URGCP: variants seen among roughly 807,000 people sequenced by gnomAD.
URGCP encodes the protein upregulator of cell proliferation, also known as up-regulator of cell proliferation.
In URGCP, 13 loss-of-function variants were observed where a neutral mutation model predicts 24.6. The ratio of observed to expected loss-of-function variants is 0.53; its 90% CI spans 0.34 to 0.84. URGCP has a LOEUF of 0.84. Ranked by LOEUF, URGCP falls within the 40% of genes least tolerant of loss-of-function variation. The pLI, the probability that URGCP is intolerant of heterozygous loss-of-function variation, is 0.01. For synonymous variants in URGCP, 444 were observed against 487.2 expected (o/e 0.91, Z 1.17); for missense variants, 899 against 1,194.3 (o/e 0.75, Z 3.64).
rs894259037 is a variant in URGCP at position 43,877,805 on chromosome 7, G to A, written c.1658C>T (p.Ser553Leu). ...ACTCAAGGAGGGGCTGCTGATCCCC[G>A]AGATGAACTCCTGCACCCCCGAGGA... ...DPSSGVQEFI[S>L]GISSPSLSEK... Residue 553 changes from serine (S) to leucine (L), a missense_variant, in exon 6 of 6, where the codon TCG becomes TTG. By Grantham distance (145) the Ser-to-Leu change is moderately radical. Coordinates refer to ENST00000453200, the MANE Select transcript of URGCP (RefSeq NM_001077663.3). 13 of 1,604,514 alleles carry A rather than the reference G, an allele frequency of 8.1e-6. No homozygotes were observed. The highest frequency in any genetic ancestry group is 1.3e-5 in the African/African-American group (1 of 74,686).
At chr7:43,899,799 T>C (rs1257473894) in intron 1 of URGCP, among the ~76,000 whole-genome samples, 1 of 152,100 alleles carries the variant, frequency 6.6e-6, no homozygotes, top group East Asian at 1.9e-4. Flanking sequence ...GGATCTAAGA[T>C]TAAGTTTTTA....
upstream of URGCP, chr7:43,926,647 G>A: frequency 7.3e-7 from 1 of 1,372,968 alleles, no homozygotes. Flanking sequence ...AGGTGACGGA[G>A]GCTCCGCGAG....
intron 1 of URGCP, among the ~76,000 whole-genome samples, chr7:43,922,952 TTCTC>T (rs955767377): frequency 4.6e-5 from 7 of 151,568 alleles, no homozygotes; most frequent in Admixed American, 2.6e-4. Context: ...CCTTCTCTCT[TTCTC>T]TCTCTTTCTC....
At chr7:43,919,916 G>A (rs754321121) in intron 1 of URGCP, 102 of 1,317,032 alleles carry the variant, frequency 7.7e-5, no homozygotes, top group South Asian at 2.4e-4. Context: ...CCTTCCTGGA[G>A]CCGTTCCGCA....
intron 1 of URGCP, among the ~76,000 whole-genome samples, chr7:43,897,793 G>C (rs1218903564): frequency 6.6e-6 from 1 of 152,040 alleles, no homozygotes; most frequent in Non-Finnish European, 1.5e-5. Flanking sequence ...TCAGACCTGG[G>C]CAATAGTACC....
intron 1 of URGCP, among the ~76,000 whole-genome samples, chr7:43,902,083 G>A (rs2095891822): frequency 6.6e-6 from 1 of 151,490 alleles, no homozygotes; most frequent in African/African-American, 2.4e-5. Context: ...GAAAAGGAGT[G>A]GAGGGGAGGA....
At chr7:43,894,045 G>T (rs1032578976) in intron 1 of URGCP, among the ~76,000 whole-genome samples, 1 of 152,090 alleles carries the variant, frequency 6.6e-6, no homozygotes, top group Non-Finnish European at 1.5e-5. Flanking sequence ...TATAACAATT[G>T]TAAATATATA....
rs2095903558 is a variant in URGCP at position 43,906,591 on chromosome 7, T to G, written c.-16A>C. ...GCGACGCCATGAGCGCAGCGAGGTC[T>G]CCGCTCCCGCCTCCTTCGCTTCCTC... On this transcript the variant is annotated 5_prime_UTR_variant, in exon 1 of 6. Transcript: ENST00000453200. 1 of 1,229,542 alleles carries G rather than the reference T, an allele frequency of 8.1e-7. No individual in the cohort carries two copies. Among genetic ancestry groups the G allele is most frequent in the East Asian group, 3.7e-5 (1 of 26,676 alleles). The allele number at this position is 1,229,542 out of a possible 1,614,324, so 76.2% of individuals were successfully genotyped here. A position where few individuals can be genotyped will look rare whatever the true frequency, so the allele number is the denominator to read the frequency against.
intron 1 of URGCP, among the ~76,000 whole-genome samples, chr7:43,889,951 T>C (rs1266026107): frequency 2.0e-5 from 3 of 151,816 alleles, no homozygotes; most frequent in Non-Finnish European, 2.9e-5. Context: ...GTCACCCAGG[T>C]TGGAGTGCAG....
Position 43,877,670 on chromosome 7 carries a change from C to A in URGCP, c.1793G>T (p.Gly598Val), listed in dbSNP as rs1313402829. 8 of 1,613,938 alleles carry A rather than the reference C, an allele frequency of 5.0e-6. No homozygotes were observed. Among genetic ancestry groups the A allele is most frequent in the Non-Finnish European group, 6.8e-6 (8 of 1,180,024 alleles). The change falls in exon 6 of 6, where the codon GGC (glycine) becomes GTC (valine). Residue 598 changes from glycine to valine, a missense_variant. By Grantham distance (109) the Gly-to-Val change is moderately radical (BLOSUM62 -3). Transcript: ENST00000453200. The part of the protein sequence containing the change: ...TLLTLRPKHG[G>V]TTDVGEPLWP... ...GAGCGGCTCCCCCACGTCTGTGGTG[C>A]CCCCATGCTTTGGTCTCAGGGTGAG...
intron 3 of URGCP, 47 bp downstream of exon 3, chr7:43,887,368 G>A: frequency 6.2e-7 from 1 of 1,608,262 alleles, no homozygotes; most frequent in Non-Finnish European, 8.5e-7. Flanking sequence ...GACAGGAGAA[G>A]TACTTCAGCT....
At position 43,878,287 on chromosome 7, in the gene URGCP, C is replaced by T. The variant is rs778183730; in HGVS notation, c.1176G>A (p.Gly392=). 5 of 1,614,094 alleles carry T rather than the reference C, an allele frequency of 3.1e-6. No homozygotes were observed. In the African/African-American group the frequency reaches 6.7e-5, roughly 22 times the overall value. ...GAAATCTCAGGTTTGTGTTGCGCTT[C>T]CCACGGTAGGGACTCAGGATGAAGT... is the stretch of plus-strand genomic sequence containing the variant. The part of the protein sequence containing the change: ...KYYFILSPYR[G]KRNTNLRFLN... The change falls in exon 6 of 6, where the codon GGG becomes GGA. Residue 392 remains glycine (G), a synonymous_variant. Transcript: ENST00000453200. The surrounding 1 kb of genome is among the most constrained non-coding windows in gnomAD (Gnocchi z 5.6).
At chr7:43,884,319 T>TG (rs1208588735) in intron 3 of URGCP, among the ~76,000 whole-genome samples, 2 of 152,000 alleles carry the variant, frequency 1.3e-5, no homozygotes, top group African/African-American at 2.4e-5. Context: ...ACAGCAAACA[T>TG]GGGGGGCCAC....
chr7:43,886,973 G>C (rs889699398), intron 3 of URGCP, among the ~76,000 whole-genome samples: 1 of 152,118 alleles, frequency 6.6e-6, no homozygotes, highest in African/African-American at 2.4e-5. Flanking sequence ...AGTGTGCTCT[G>C]GGACAATCCC....
rs535037394 is a variant in URGCP, at chr7:43,918,482, T to G, written c.-116+7650A>C. 2.0e-5 allele frequency among the ~76,000 whole-genome samples: 3 copies of G among 152,136 alleles called. No individual in the cohort carries two copies. The East Asian group carries it at 5.8e-4, about 30-fold the overall frequency. ...TTTTAGTAGAGATGGGGTTTCACCA[T>G]GTTGGCCAGGCTGGTCTTGAACTCC... is the stretch of plus-strand genomic sequence containing the variant. On this transcript the variant is annotated intron_variant, in intron 1 of 5. Coordinates refer to the URGCP transcript ENST00000426198.
rs201862588 is a variant in URGCP at position 43,912,911 on chromosome 7, C to CA, written c.-116+13220dup. 3.8e-3 allele frequency among the ~76,000 whole-genome samples: 573 copies of CA among 152,050 alleles called. 2 individuals carry two copies. The highest frequency in any genetic ancestry group is 6.9e-3 in the Non-Finnish European group (470 of 67,978). On this transcript the variant is annotated intron_variant, in intron 1 of 5. Transcript: ENST00000426198. Reference sequence around the variant, plus strand: ...TGTTGCCCAGGCTGGAATGTAGTGGCATGATCTCAGCTCACTGCAACCTCC... The same window carrying CA: ...TGTTGCCCAGGCTGGAATGTAGTGGCAATGATCTCAGCTCACTGCAACCTCC...
Position 43,879,194 on chromosome 7 carries a change from A to G in URGCP, c.269T>C (p.Leu90Pro). The change falls in exon 6 of 6, where the codon CTC becomes CCC. Residue 90 changes from leucine to proline, a missense_variant. Physicochemically the swap from Leu to Pro is moderately conservative, Grantham distance 98. Transcript: ENST00000453200. ...LGLETYQVQK[L>P]SLQDSLQISF... Reference sequence around the variant, plus strand: ...GATCTGCAGAGAGTCCTGGAGGCTGAGTTTCTGGACCTGGTACGTCTCTAG... The same window carrying G: ...GATCTGCAGAGAGTCCTGGAGGCTGGGTTTCTGGACCTGGTACGTCTCTAG... 6.2e-7 allele frequency: 1 copy of G among 1,613,846 alleles called. No individual in the cohort carries two copies. The highest frequency in any genetic ancestry group is 8.5e-7 in the Non-Finnish European group (1 of 1,180,018).
chr7:43,887,013 C>T (rs1162459701), intron 3 of URGCP, among the ~76,000 whole-genome samples: 1 of 152,066 alleles, frequency 6.6e-6, no homozygotes, highest in African/African-American at 2.4e-5. Flanking sequence ...AACATTACAT[C>T]CCTTTCACTC....
intron 1 of URGCP, chr7:43,919,598 C>G (rs1269214799): frequency 9.9e-6 from 14 of 1,418,876 alleles, no homozygotes; most frequent in Non-Finnish European, 1.3e-5. Flanking sequence ...TGCTGCAGCC[C>G]AAGAACGTGA....
Sources: allele counts gnomAD v4.1 joint callset (sites outside exome capture counted in the v4.1 genomes callset), GRCh38; gene constraint gnomAD v4.1.1; non-coding constraint Gnocchi (gnomAD v3.1); transcripts MANE v1.5; gene names NCBI Gene and HGNC (gene_info 2026-07-23, HGNC 2026-07-21).